Variants in PDK3 observed in about 807,000 individuals in gnomAD.
PDK3 encodes the protein pyruvate dehydrogenase kinase 3.
In PDK3, 12 loss-of-function variants were observed where a neutral mutation model predicts 32.0. That is an observed-to-expected ratio of 0.37 (90% CI 0.24 to 0.61). The LOEUF (loss-of-function observed/expected upper bound fraction) is 0.61, where lower values mean the gene tolerates loss of function less well. PDK3 is among the 20% of genes least tolerant of loss of function. PDK3 has a pLI of 0.65. For synonymous variants in PDK3, 122 were observed against 116.3 expected, an observed-to-expected ratio of 1.05 and a Z score of -0.31; for missense variants, 188 against 316.9, an observed-to-expected ratio of 0.59 and a Z score of 3.09.
chrX:24,490,998 C>T (rs1019034919), intron 1 of PDK3, among the ~76,000 whole-genome samples: 3 of 110,860 alleles, frequency 2.7e-5, no homozygotes, highest in African/African-American at 9.9e-5. Context: ...CCAGAACTTC[C>T]TTTTTCCTCT....
chrX:24,544,105 T>C (rs1922945824), exon 12 of PDK3, among the ~76,000 whole-genome samples: 1 of 111,091 alleles, frequency 9.0e-6, no homozygotes, highest in African/African-American at 3.3e-5. Context: ...TAGCTCTTGA[T>C]GGGTTGTAGT....
At chrX:24,474,884 G>T (rs1353647243) in intron 1 of PDK3, among the ~76,000 whole-genome samples, 1 of 112,070 alleles carries the variant, frequency 8.9e-6, no homozygotes, top group South Asian at 3.7e-4. Context: ...AGAAGGTAGC[G>T]GCCAGTTTCC....
chrX:24,481,144 C>T (rs940812564), intron 1 of PDK3, among the ~76,000 whole-genome samples: 5 of 109,146 alleles, frequency 4.6e-5, no homozygotes, highest in Non-Finnish European at 7.6e-5. Context: ...TCCGGGTTCA[C>T]GCCATTCTCC....
At chrX:24,521,878 C>T (rs760186903) in intron 6 of PDK3, among the ~76,000 whole-genome samples, 1 of 111,731 alleles carries the variant, frequency 9.0e-6, no homozygotes, top group East Asian at 2.8e-4. Context: ...TAGCTTCTAG[C>T]TTTATGTTGC....
chrX:24,478,094 G>A (rs1372115947), intron 1 of PDK3, among the ~76,000 whole-genome samples: 4 of 111,681 alleles, frequency 3.6e-5, no homozygotes, highest in African/African-American at 1.3e-4. Context: ...TAAGGGAACT[G>A]TGGATGGGTT....
intron 6 of PDK3, among the ~76,000 whole-genome samples, chrX:24,521,503 G>A (rs960635170): frequency 7.2e-5 from 8 of 110,692 alleles, no homozygotes; most frequent in African/African-American, 9.8e-5. Flanking sequence ...TACCAGGACC[G>A]AGTGGGCTTG....
chrX:24,521,902 G>T (rs1402381301), intron 6 of PDK3, among the ~76,000 whole-genome samples: 1 of 108,873 alleles, frequency 9.2e-6, no homozygotes, highest in Non-Finnish European at 1.9e-5. Flanking sequence ...GGGTAGTGTA[G>T]TGATTATTTT....
chrX:24,493,014 T>C (rs1177576796), intron 1 of PDK3, among the ~76,000 whole-genome samples: 1 of 107,234 alleles, frequency 9.3e-6, no homozygotes, highest in Non-Finnish European at 1.9e-5. Context: ...AAAAAAAAAA[T>C]GACCAGAGTC....
chrX:24,515,131 A>G (rs1230045879), intron 5 of PDK3, among the ~76,000 whole-genome samples: 1 of 112,585 alleles, frequency 8.9e-6, no homozygotes, highest in Admixed American at 9.4e-5. Context: ...ACAAAGATGC[A>G]TAGTATATAT....
chrX:24,515,730 C>T (rs1276123498), intron 5 of PDK3, among the ~76,000 whole-genome samples: 1 of 112,108 alleles, frequency 8.9e-6, no homozygotes, highest in Non-Finnish European at 1.9e-5. Flanking sequence ...AAGTACTTTA[C>T]AGATATTTGA....
Position 24,528,167 on chromosome X carries a change from C to T in PDK3, c.944C>T (p.Pro315Leu). The T allele has an allele frequency of 1.8e-6, 2 of 1,141,580 alleles. No individual in the cohort carries two copies. Among genetic ancestry groups the T allele is most frequent in the East Asian group, 6.0e-5 (2 of 33,593 alleles). The allele number at this position is 1,141,580 out of a possible 1,213,427, so 94.1% of individuals were successfully genotyped here. ...YSTAPRPSLEPTRAAPLAGFG... is the reference protein window; with the variant it reads ...YSTAPRPSLELTRAAPLAGFG... ...ACTGCTCCTAGACCCAGCCTGGAGC[C>T]TACCAGAGCTGCCCCTTTGGTAAGC... The change falls in exon 9 of 11, where the codon CCT (proline) becomes CTT (leucine). Residue 315 changes from proline (P) to leucine (L), a missense_variant. Transcript: ENST00000379162.
In PDK3 at chrX:24,534,312, A is replaced by G. The variant is rs1045693972; in HGVS notation, c.*240A>G. ...AGATAAAAGGTGATCTATCCATCCA[A>G]TGGAATATTATTTGGCCTTAAAAAG... On this transcript the variant is annotated 3_prime_UTR_variant, in exon 11 of 11. Coordinates refer to ENST00000379162, the MANE Select transcript of PDK3 (RefSeq NM_005391.5). 7.1e-5 allele frequency: 55 copies of G among 775,697 alleles called. No homozygotes were observed. Among genetic ancestry groups the G allele is most frequent in the African/African-American group, 1.3e-4 (6 of 46,909 alleles). The allele number at this position is 775,697 out of a possible 1,213,427, so 63.9% of individuals were successfully genotyped here.
rs763095558 is a variant in PDK3, at chrX:24,496,568, C to CT, written c.248+1708dup. Among the ~76,000 whole-genome samples, 551 of 39,279 alleles carry CT rather than the reference C, an allele frequency of 0.014. 55 individuals carry two copies. The East Asian group carries it at 0.16, about 11-fold the overall frequency. The allele number at this position is 39,279 out of a possible 115,157, so 34.1% of individuals were successfully genotyped here. ...CTAATTGTCCTGATACTACCCCCAT[C>CT]TTTTTTTTTTTTTTTTTTTTTTTGC... On this transcript the variant is annotated intron_variant, in intron 2 of 10. Coordinates refer to ENST00000379162, the MANE Select transcript of PDK3 (RefSeq NM_005391.5).
exon 12 of PDK3, among the ~76,000 whole-genome samples, chrX:24,540,238 A>G (rs746434016): frequency 1.8e-5 from 2 of 112,129 alleles, no homozygotes; most frequent in African/African-American, 3.2e-5. Context: ...TGTTATATTT[A>G]CCCTTAGGAA....
At chrX:24,513,598 C>T (rs772191249) in intron 5 of PDK3, 88 of 115,425 alleles carry the variant, frequency 7.6e-4, no homozygotes, top group African/African-American at 2.7e-3. Flanking sequence ...GATGCAGAAG[C>T]GATTCATTGT....
At chrX:24,472,675 C>CTTTTTTTTTTTTTTTTTTTT (rs761538432) in intron 1 of PDK3, among the ~76,000 whole-genome samples, 4 of 49,717 alleles carry the variant, frequency 8.0e-5, no homozygotes, top group Non-Finnish European at 1.0e-4. Context: ...TTCTTTCTTT[C>CTTTTTTTTTTTTTTTTTTTT]TTTTTTTTTT....
intron 1 of PDK3, among the ~76,000 whole-genome samples, chrX:24,488,563 C>T (rs2084325319): frequency 9.0e-6 from 1 of 111,318 alleles, no homozygotes; most frequent in African/African-American, 3.3e-5. Context: ...GTGGTGCATG[C>T]CTGTAATCCC....
intron 5 of PDK3, among the ~76,000 whole-genome samples, chrX:24,507,792 G>A (rs1032829517): frequency 1.8e-5 from 2 of 109,866 alleles, no homozygotes; most frequent in Non-Finnish European, 3.8e-5. Flanking sequence ...TGTGATATTG[G>A]TATCTGGTCT....
intron 1 of PDK3, among the ~76,000 whole-genome samples, chrX:24,478,636 C>T (rs1234568179): frequency 1.8e-5 from 2 of 111,943 alleles, no homozygotes; most frequent in Non-Finnish European, 3.8e-5. Flanking sequence ...CTGGTCATTG[C>T]CTCATCTTAA....
Sources: gnomAD v4.1 joint callset for allele counts (sites outside exome capture counted in the v4.1 genomes callset) on GRCh38, gnomAD v4.1.1 for gene constraint, MANE v1.5 for transcripts, NCBI Gene and HGNC (gene_info 2026-07-23, HGNC 2026-07-21) for gene names.